The following PTK2 variants were observed in gnomAD, a reference collection of about 807,000 sequenced individuals.
The protein encoded by PTK2 is focal adhesion kinase 1.
In PTK2, 45 loss-of-function variants were observed where a neutral mutation model predicts 150.1. The observed-to-expected ratio is 0.30, with a 90% CI of 0.24 to 0.38. The LOEUF is 0.38. Ranked by LOEUF, PTK2 falls within the 10% of genes least tolerant of loss-of-function variation. The pLI is 1.00. For missense variants in PTK2, 919 were observed against 1,307.3 expected, an observed-to-expected ratio of 0.70 and a Z score of 4.58; for synonymous variants, 432 against 449.2, an observed-to-expected ratio of 0.96 and a Z score of 0.48.
intron 10 of PTK2, among the ~76,000 whole-genome samples, chr8:140,806,925 T>C (rs548067069): frequency 5.3e-5 from 8 of 152,350 alleles, no homozygotes; most frequent in South Asian, 4.1e-4. Context: ...AGATACTCTC[T>C]CACGCCACCC....
rs1339873135 is a variant in PTK2, at chr8:140,846,580, T to C, written c.530+19A>G. 2 of 1,552,132 alleles carry C rather than the reference T, an allele frequency of 1.3e-6. No individual in the cohort carries two copies. The highest frequency in any genetic ancestry group is 1.4e-5 in the African/African-American group (1 of 73,190). ...AAAAATTGATAAATAAAGGCCGCAATGTATAGTTATCATCTTACCGTATTT... is the reference window on the plus strand; with the variant it reads ...AAAAATTGATAAATAAAGGCCGCAACGTATAGTTATCATCTTACCGTATTT... On this transcript the variant is annotated intron_variant, in intron 6 of 31. Transcript: ENST00000522684.
chr8:140,795,038 T>C (rs62524107), intron 12 of PTK2, among the ~76,000 whole-genome samples: 5,959 of 152,250 alleles, frequency 0.039, 152 homozygotes, highest in Non-Finnish European at 0.059. Context: ...GTGCAGCAAA[T>C]GCAAGGCTTT....
intron 3 of PTK2, among the ~76,000 whole-genome samples, chr8:140,880,279 A>C (rs1412106502): frequency 6.6e-6 from 1 of 152,166 alleles, no homozygotes; most frequent in Non-Finnish European, 1.5e-5. Context: ...TGTTCCCTTG[A>C]GTTCAGAGAA....
At chr8:140,973,546 C>G (rs2100188177) in intron 1 of PTK2, among the ~76,000 whole-genome samples, 2 of 151,524 alleles carry the variant, frequency 1.3e-5, no homozygotes, top group Admixed American at 1.3e-4. Flanking sequence ...ATAAAATGGT[C>G]AAAAAGGCAA....
chr8:140,882,934 AAATT>A (rs1382109268), intron 3 of PTK2, among the ~76,000 whole-genome samples: 1 of 152,206 alleles, frequency 6.6e-6, no homozygotes, highest in African/African-American at 2.4e-5. Context: ...TTAATGAATA[AAATT>A]AATCTTATGA....
intron 6 of PTK2, 99 bp from the exon 7 acceptor site, chr8:140,846,421 A>G: frequency 7.7e-7 from 1 of 1,293,674 alleles, no homozygotes; most frequent in Non-Finnish European, 1.1e-6. Context: ...TAATAAACAA[A>G]AATTAACAGC....
At chr8:140,980,985 C>T (rs1421969637) in intron 1 of PTK2, among the ~76,000 whole-genome samples, 1 of 141,946 alleles carries the variant, frequency 7.0e-6, no homozygotes, top group Non-Finnish European at 1.5e-5. Flanking sequence ...TGGTCTCGAA[C>T]TCTTCACCTC....
chr8:140,803,426 G>C (rs768835814), intron 11 of PTK2, 117 bp downstream of exon 11: 2 of 784,020 alleles, frequency 2.6e-6, no homozygotes, highest in Non-Finnish European at 4.3e-6. Context: ...CTATATATAA[G>C]AAAGTTGTGA....
intron 5 of PTK2, among the ~76,000 whole-genome samples, chr8:140,852,774 T>C (rs1451804938): frequency 6.6e-6 from 1 of 152,214 alleles, no homozygotes; most frequent in Non-Finnish European, 1.5e-5. Context: ...AGAAGTAACC[T>C]AATTCCAGGA....
At chr8:140,844,016 A>G (rs1022877837) in intron 7 of PTK2, among the ~76,000 whole-genome samples, 1 of 152,146 alleles carries the variant, frequency 6.6e-6, no homozygotes, top group African/African-American at 2.4e-5. Context: ...TGTTTCCTTC[A>G]TGACCTTGAC....
At chr8:140,885,061 T>G (rs1349790839) in intron 3 of PTK2, among the ~76,000 whole-genome samples, 1 of 152,212 alleles carries the variant, frequency 6.6e-6, no homozygotes, top group Non-Finnish European at 1.5e-5. Context: ...GGTGGTGTAA[T>G]CTTAAGCAGC....
chr8:140,758,858 T>C (rs1489365207), intron 16 of PTK2, among the ~76,000 whole-genome samples: 1 of 152,210 alleles, frequency 6.6e-6, no homozygotes, highest in Non-Finnish European at 1.5e-5. Flanking sequence ...ACTCCATTCA[T>C]GGTAAGTGCC....
At chr8:140,898,316 C>G (rs2100157128) in intron 2 of PTK2, among the ~76,000 whole-genome samples, 1 of 150,838 alleles carries the variant, frequency 6.6e-6, no homozygotes, top group Non-Finnish European at 1.5e-5. Flanking sequence ...CAACATTCAT[C>G]TGCACCAACA....
intron 1 of PTK2, among the ~76,000 whole-genome samples, chr8:140,978,798 AG>A (rs2100190310): frequency 8.3e-6 from 1 of 120,704 alleles, no homozygotes. Context: ...GCTGCTATAA[AG>A]ACACATGCAC....
At chr8:140,776,015 A>ATTG (rs2100078202) in intron 14 of PTK2, among the ~76,000 whole-genome samples, 1 of 152,152 alleles carries the variant, frequency 6.6e-6, no homozygotes, top group Admixed American at 6.5e-5. Context: ...TATTATTATT[A>ATTG]TTCTCATTGA....
At chr8:140,663,679 A>T (rs2084448956) in intron 31 of PTK2, among the ~76,000 whole-genome samples, 1 of 152,174 alleles carries the variant, frequency 6.6e-6, no homozygotes, top group South Asian at 2.1e-4. Context: ...TTATTCCTTA[A>T]AACTTTTTTT....
intron 10 of PTK2, among the ~76,000 whole-genome samples, chr8:140,808,522 C>T (rs2100099442): frequency 6.6e-6 from 1 of 152,022 alleles, no homozygotes. Flanking sequence ...AAATCATACG[C>T]TTGGCCATAA....
At chr8:140,710,977 G>A (rs1476156576) in intron 23 of PTK2, among the ~76,000 whole-genome samples, 2 of 152,186 alleles carry the variant, frequency 1.3e-5, no homozygotes, top group Admixed American at 6.5e-5. Context: ...ACGCTCTGTC[G>A]CCTAGGCTGG....
At position 140,885,271 on chromosome 8, in the gene PTK2, G is replaced by A. The variant is rs147227259; in HGVS notation, c.195+5272C>T. 5.6e-3 allele frequency among the ~76,000 whole-genome samples: 858 copies of A among 152,222 alleles called. 9 individuals are homozygous for A. The highest frequency in any genetic ancestry group is 0.02 in the African/African-American group (819 of 41,524). ...TCAATTAAGGCTTTCTACTTCTGTG[G>A]TCAATGTTCCTAACATATTTCTCTC... On this transcript the variant is annotated intron_variant, in intron 3 of 31. Transcript: ENST00000522684.
Sources: gnomAD v4.1 joint callset for allele counts (sites outside exome capture counted in the v4.1 genomes callset) on GRCh38, gnomAD v4.1.1 for gene constraint, MANE v1.5 for transcripts, NCBI Gene and HGNC (gene_info 2026-07-23, HGNC 2026-07-21) for gene names.